Variants in OR10H5 observed in about 807,000 individuals in gnomAD.
OR10H5 encodes olfactory receptor 10H5.
OR10H5 carries 7 observed loss-of-function variants against 12.2 expected under a neutral mutation model. The observed-to-expected ratio is 0.57, with a 90% CI of 0.33 to 1.07. The LOEUF (loss-of-function observed/expected upper bound fraction) is 1.07. Ranked by LOEUF, OR10H5 falls within the 50% of genes least tolerant of loss-of-function variation. The pLI is 0.04. For synonymous variants in OR10H5, 159 were observed against 175.1 expected (o/e 0.91, Z 0.73); for missense variants, 346 against 411.6 (o/e 0.84, Z 1.38).
rs954544040 is a variant in OR10H5, at chr19:15,794,571, C to T, written c.523C>T (p.His175Tyr). ...HLAFCGHKEI[H>Y]HFFCHVPPLL... ...CGCCTTCTGTGGACACAAGGAGATC[C>T]ACCATTTCTTCTGCCACGTGCCACC... The change falls in exon 2 of 2, where the codon CAC (histidine) becomes TAC (tyrosine). Residue 175 changes from histidine (H) to tyrosine (Y), a missense_variant. Transcript: ENST00000642092. 1.2e-6 allele frequency: 2 copies of T among 1,614,096 alleles called. No homozygotes were observed. Among genetic ancestry groups the T allele is most frequent in the African/African-American group, 2.7e-5 (2 of 74,928 alleles).
Position 15,799,240 on chromosome 19 carries a change from A to G in OR10H5, c.*4244A>G, listed in dbSNP as rs2088855617. On this transcript the variant is annotated 3_prime_UTR_variant, in exon 2 of 2. Coordinates refer to ENST00000642092, the MANE Select transcript of OR10H5 (RefSeq NM_001004466.2). ...GGGCTCCCTGCTGTCCCGGCAGTAA[A>G]CCAAGCACACCCGGACCCCAGGAAC... is the stretch of plus-strand genomic sequence containing the variant. The G allele has an allele frequency of 6.6e-6, 1 of 151,628 alleles. No homozygotes were observed. The highest frequency in any genetic ancestry group is 2.1e-4 in the South Asian group (1 of 4,826). 9.4% of individuals were successfully genotyped at this position (151,628 alleles called of 1,614,324 possible). A position where few individuals can be genotyped will look rare whatever the true frequency, so the allele number is the denominator to read the frequency against.
rs990739078 is a variant in OR10H5 at position 15,790,591 on chromosome 19, G to A, written c.-12+2875G>A. On this transcript the variant is annotated intron_variant, in intron 1 of 1. Coordinates refer to ENST00000642092, the MANE Select transcript of OR10H5 (RefSeq NM_001004466.2). ...AGCACCGTGGGCTGAGAGAGAGGGC[G>A]TGAGGCCAGAGCTGGGGTTGTGTCC... is the stretch of plus-strand genomic sequence containing the variant. 1.4e-4 allele frequency among the ~76,000 whole-genome samples: 21 copies of A among 152,162 alleles called. 1 individual carries two copies. Among genetic ancestry groups the A allele is most frequent in the African/African-American group, 4.6e-4 (19 of 41,434 alleles).
rs147238856 is a variant in OR10H5 at position 15,789,938 on chromosome 19, C to T, written c.-12+2222C>T. 5.7e-3 allele frequency among the ~76,000 whole-genome samples: 867 copies of T among 152,018 alleles called. 11 individuals carry two copies. Among genetic ancestry groups the T allele is most frequent in the African/African-American group, 0.02 (817 of 41,474 alleles). On this transcript the variant is annotated intron_variant, in intron 1 of 1. Transcript: ENST00000642092. ...CTGGAACTACAGGTGCACATCACCACGCCTGGCTAATTTAAAAACAATTTT... is the reference window on the plus strand; with the variant it reads ...CTGGAACTACAGGTGCACATCACCATGCCTGGCTAATTTAAAAACAATTTT...
rs760720320 is a variant in OR10H5, at chr19:15,794,235, C to T, written c.187C>T (p.Leu63=). 9 of 1,613,530 alleles carry T rather than the reference C, an allele frequency of 5.6e-6. No homozygotes were observed. Among genetic ancestry groups the T allele is most frequent in the South Asian group, 1.1e-5 (1 of 91,022 alleles). The change falls in exon 2 of 2, where the codon CTG becomes TTG. Residue 63 remains leucine (L), a synonymous_variant. Coordinates refer to ENST00000642092, the MANE Select transcript of OR10H5 (RefSeq NM_001004466.2). The part of the protein sequence containing the change: ...RSLHMPMYLF[L]CALSITEILY... Reference sequence around the variant, plus strand: ...CCTCCACATGCCCATGTACCTCTTCCTGTGTGCCCTCTCCATCACCGAGAT... The same window carrying T: ...CCTCCACATGCCCATGTACCTCTTCTTGTGTGCCCTCTCCATCACCGAGAT...
intron 1 of OR10H5, among the ~76,000 whole-genome samples, chr19:15,788,433 G>A (rs776921071): frequency 6.6e-6 from 1 of 151,970 alleles, no homozygotes; most frequent in Non-Finnish European, 1.5e-5. Context: ...TCCTCCCCTC[G>A]TCTTTGAGGG....
At position 15,795,556 on chromosome 19, in the gene OR10H5, C is replaced by G. The variant is rs1467245774; in HGVS notation, c.*560C>G. 5 of 154,968 alleles carry G rather than the reference C, an allele frequency of 3.2e-5. No homozygotes were observed. Among genetic ancestry groups the G allele is most frequent in the Non-Finnish European group, 5.7e-5 (4 of 69,994 alleles). The allele number at this position is 154,968 out of a possible 1,614,324, so 9.6% of individuals were successfully genotyped here. ...GGCCAGGCTGGTCTCGAACTCCTGA[C>G]CTCAGGCATTATGCCCACCTCAGCC... On this transcript the variant is annotated 3_prime_UTR_variant, in exon 2 of 2. Transcript: ENST00000642092.
chr19:15,794,376 A>G lies in OR10H5; in HGVS notation c.328A>G (p.Thr110Ala), dbSNP rs752810188. The G allele has an allele frequency of 1.2e-6, 2 of 1,613,958 alleles. No individual in the cohort carries two copies. Among genetic ancestry groups the G allele is most frequent in the East Asian group, 2.2e-5 (1 of 44,854 alleles). Reference protein sequence around the residue: ...QMFFSFSFGFTHSFLLTVMGY... With the variant: ...QMFFSFSFGFAHSFLLTVMGY... ...GTTCTTCTCCTTCAGCTTCGGCTTCACCCACTCCTTCCTGCTCACTGTCAT... is the reference window on the plus strand; with the variant it reads ...GTTCTTCTCCTTCAGCTTCGGCTTCGCCCACTCCTTCCTGCTCACTGTCAT... Residue 110 changes from threonine (T) to alanine (A), a missense_variant, in exon 2 of 2, where the codon ACC becomes GCC. Coordinates refer to ENST00000642092, the MANE Select transcript of OR10H5 (RefSeq NM_001004466.2).
At chr19:15,793,932 C>G in intron 1 of OR10H5, 106 bp from the exon 2 acceptor site, 2 of 948,792 alleles carry the variant, frequency 2.1e-6, no homozygotes, top group South Asian at 3.1e-5. Context: ...GTAACCATGG[C>G]TTGGACAGAT....
rs2088840870 is a variant in OR10H5 at position 15,796,540 on chromosome 19, AG to A, written c.*1545del. 1 of 152,180 alleles carries A rather than the reference AG, an allele frequency of 6.6e-6. No individual in the cohort carries two copies. Among genetic ancestry groups the A allele is most frequent in the Admixed American group, 6.5e-5 (1 of 15,268 alleles). 9.4% of individuals were successfully genotyped at this position (152,180 alleles called of 1,614,324 possible). A position where few individuals can be genotyped will look rare whatever the true frequency, so the allele number is the denominator to read the frequency against. ...GAGGCCGTGACAGGAGGATCACTGGAGTCCAGGAGTTCAAGACCAGCCTGGG... is the reference window on the plus strand; with the variant it reads ...GAGGCCGTGACAGGAGGATCACTGGATCCAGGAGTTCAAGACCAGCCTGGG... On this transcript the variant is annotated 3_prime_UTR_variant, in exon 2 of 2. Transcript: ENST00000642092.
chr19:15,789,782 TTTTC>T (rs1356325357), intron 1 of OR10H5, among the ~76,000 whole-genome samples: 3 of 23,668 alleles, frequency 1.3e-4, no homozygotes, highest in East Asian at 4.3e-3. Context: ...TTTTCTTTTC[TTTTC>T]TTTTTTTTTT....
intron 1 of OR10H5, among the ~76,000 whole-genome samples, chr19:15,788,146 T>C (rs557035074): frequency 6.6e-6 from 1 of 152,280 alleles, no homozygotes; most frequent in African/African-American, 2.4e-5. Context: ...TGTGTGTGTG[T>C]GTGTGCAGTT....
chr19:15,791,350 A>G (rs571254971), intron 1 of OR10H5, among the ~76,000 whole-genome samples: 1 of 152,196 alleles, frequency 6.6e-6, no homozygotes, highest in East Asian at 1.9e-4. Flanking sequence ...CCATCTCAAA[A>G]CAAACAAACA....
Position 15,797,813 on chromosome 19 carries a change from C to T in OR10H5, c.*2817C>T, listed in dbSNP as rs1179449135. 2 of 151,844 alleles carry T rather than the reference C, an allele frequency of 1.3e-5. No homozygotes were observed. Among genetic ancestry groups the T allele is most frequent in the Non-Finnish European group, 2.9e-5 (2 of 67,982 alleles). 9.4% of individuals were successfully genotyped at this position (151,844 alleles called of 1,614,324 possible). A position where few individuals can be genotyped will look rare whatever the true frequency, so the allele number is the denominator to read the frequency against. On this transcript the variant is annotated 3_prime_UTR_variant, in exon 2 of 2. Coordinates refer to ENST00000642092, the MANE Select transcript of OR10H5 (RefSeq NM_001004466.2). The stretch of plus-strand genomic sequence containing the variant: ...CTGTAATCCCAGCACTTTGGGAAGC[C>T]GAGGCAGGTGGATCATTTGAAGTCA...
intron 1 of OR10H5, among the ~76,000 whole-genome samples, chr19:15,789,162 A>G (rs991855227): frequency 3.3e-5 from 5 of 152,246 alleles, no homozygotes; most frequent in East Asian, 3.9e-4. Context: ...CACACATGGA[A>G]TGGCTGTGTG....
At chr19:15,790,647 G>C (rs574121020) in intron 1 of OR10H5, among the ~76,000 whole-genome samples, 55 of 152,294 alleles carry the variant, frequency 3.6e-4, no homozygotes, top group African/African-American at 1.3e-3. Context: ...GTGAGGCTCA[G>C]AGATGACAGA....
At position 15,797,184 on chromosome 19, in the gene OR10H5, G is replaced by A. The variant is rs2088843819; in HGVS notation, c.*2188G>A. 1 of 152,086 alleles carries A rather than the reference G, an allele frequency of 6.6e-6. No homozygotes were observed. The highest frequency in any genetic ancestry group is 6.6e-5 in the Admixed American group (1 of 15,252). The allele number at this position is 152,086 out of a possible 1,614,324, so 9.4% of individuals were successfully genotyped here. On this transcript the variant is annotated 3_prime_UTR_variant, in exon 2 of 2. Transcript: ENST00000642092. ...GGGCACTTAACTACTAATATCTGGG[G>A]GGGCATTCTTTGCCTCCCCTATAAA...
rs35542150 is a variant in OR10H5, at chr19:15,791,441, TACACACACAC to T, written c.-11-2571_-11-2562del. On this transcript the variant is annotated intron_variant, in intron 1 of 1. Coordinates refer to ENST00000642092, the MANE Select transcript of OR10H5 (RefSeq NM_001004466.2). ...TATCTATATAGTTATATAGATACCA[TACACACACAC>T]ACACACACACACACACACACACACA... Among the ~76,000 whole-genome samples the T allele has an allele frequency of 1.1e-4, 16 of 147,532 alleles. No homozygotes were observed. The South Asian group carries it at 1.7e-3, about 16-fold the overall frequency.
In OR10H5 at chr19:15,794,531, G is replaced by A. The variant is rs368430676; in HGVS notation, c.483G>A (p.Ser161=). Residue 161 remains serine (S), a synonymous_variant, in exon 2 of 2, where the codon TCG becomes TCA. Coordinates refer to ENST00000642092, the MANE Select transcript of OR10H5 (RefSeq NM_001004466.2). The stretch of plus-strand genomic sequence containing the variant: ...TGGTCATGGGGATGGTGGTGACCTC[G>A]GCCATTTTCCACCTCGCCTTCTGTG... ...GGLVMGMVVT[S]AIFHLAFCGH... The A allele has an allele frequency of 5.8e-5, 93 of 1,614,048 alleles. No homozygotes were observed. The highest frequency in any genetic ancestry group is 7.5e-5 in the Non-Finnish European group (89 of 1,180,042).
intron 1 of OR10H5, among the ~76,000 whole-genome samples, chr19:15,791,994 T>G (rs2088811642): frequency 6.6e-6 from 1 of 151,104 alleles, no homozygotes; most frequent in African/African-American, 2.4e-5. Context: ...TATTAAATTC[T>G]CCAGCCTAGG....
Sources: gnomAD v4.1 joint callset for allele counts (sites outside exome capture counted in the v4.1 genomes callset) on GRCh38, gnomAD v4.1.1 for gene constraint, MANE v1.5 for transcripts, NCBI Gene and HGNC (gene_info 2026-07-23, HGNC 2026-07-21) for gene names.